AGBL1: variants seen among roughly 807,000 people sequenced by gnomAD.
AGBL1 encodes the protein cytosolic carboxypeptidase 4.
A neutral mutation model predicts 118.9 loss-of-function variants in AGBL1; 130 were observed. The ratio of observed to expected loss-of-function variants is 1.09; its 90% confidence interval spans 0.95 to 1.26. AGBL1 has a LOEUF of 1.26. AGBL1 is among the 50% of genes most tolerant of loss of function. The pLI is 0.00. For synonymous variants in AGBL1, 555 were observed against 478.9 expected (o/e 1.16, Z -2.08); for missense variants, 1,584 against 1,298.1 (o/e 1.22, Z -3.38).
intron 24 of AGBL1, among the ~76,000 whole-genome samples, chr15:87,028,068 T>A (rs1157087909): frequency 6.6e-6 from 1 of 151,298 alleles, no homozygotes; most frequent in Non-Finnish European, 1.5e-5. Context: ...TATATATATA[T>A]AAATGTATGG....
intron 5 of AGBL1, among the ~76,000 whole-genome samples, chr15:86,182,874 G>C (rs2077573272): frequency 1.3e-5 from 2 of 152,164 alleles, no homozygotes; most frequent in Non-Finnish European, 2.9e-5. Context: ...GCAGTTTACA[G>C]TTTCCTTGGA....
At chr15:86,148,944 C>A (rs899244481) in intron 3 of AGBL1, among the ~76,000 whole-genome samples, 15 of 152,196 alleles carry the variant, frequency 9.9e-5, no homozygotes, top group Admixed American at 3.9e-4. Flanking sequence ...AGAAACCCTA[C>A]AAGCCAGAAG....
intron 18 of AGBL1, among the ~76,000 whole-genome samples, chr15:86,454,493 A>G (rs925717346): frequency 7.2e-5 from 11 of 152,216 alleles, no homozygotes; most frequent in African/African-American, 2.7e-4. Flanking sequence ...CTGAGAAGTC[A>G]CCAAATATTT....
At chr15:86,373,458 G>T (rs975319514) in intron 17 of AGBL1, among the ~76,000 whole-genome samples, 6 of 152,210 alleles carry the variant, frequency 3.9e-5, no homozygotes, top group African/African-American at 1.4e-4. Flanking sequence ...AGGACTGGGA[G>T]CTTGGCTGTA....
intron 16 of AGBL1, among the ~76,000 whole-genome samples, chr15:86,283,876 T>G (rs1331416391): frequency 1.3e-5 from 2 of 152,114 alleles, no homozygotes; most frequent in African/African-American, 4.8e-5. Flanking sequence ...AAGAAAGCTT[T>G]GAGGTCAGAC....
chr15:86,924,318 T>C (rs1203644545), intron 23 of AGBL1, among the ~76,000 whole-genome samples: 1 of 152,228 alleles, frequency 6.6e-6, no homozygotes, highest in Non-Finnish European at 1.5e-5. Flanking sequence ...GAATTTTTAA[T>C]CCCATTTAGG....
chr15:86,511,839 G>A (rs1021532225), intron 18 of AGBL1, among the ~76,000 whole-genome samples: 8 of 151,900 alleles, frequency 5.3e-5, no homozygotes, highest in Non-Finnish European at 1.0e-4. Context: ...TATTTTTCCC[G>A]TGTGATAGGA....
intron 18 of AGBL1, among the ~76,000 whole-genome samples, chr15:86,440,849 C>G (rs1033273707): frequency 6.6e-6 from 1 of 152,094 alleles, no homozygotes; most frequent in Non-Finnish European, 1.5e-5. Flanking sequence ...AAGTAAGGTG[C>G]CTTTTACTGG....
At chr15:86,666,291 C>T (rs11853708) in intron 21 of AGBL1, among the ~76,000 whole-genome samples, 10,434 of 152,058 alleles carry the variant, frequency 0.069, 477 homozygotes, top group South Asian at 0.088. Context: ...AGTTCTGTTG[C>T]TATTGTGAAT....
chr15:87,031,026 T>G (rs2081777689), downstream of AGBL1, among the ~76,000 whole-genome samples: 2 of 151,990 alleles, frequency 1.3e-5, no homozygotes, highest in Non-Finnish European at 2.9e-5. Context: ...AAATATTTGC[T>G]GTTATTTAAA....
intron 22 of AGBL1, among the ~76,000 whole-genome samples, chr15:86,697,488 C>G (rs2086282390): frequency 7.3e-6 from 1 of 137,390 alleles, no homozygotes; most frequent in South Asian, 2.4e-4. Flanking sequence ...GATTTCTTCC[C>G]TCACATCTTG....
chr15:86,583,093 A>T (rs2084196302), intron 21 of AGBL1, among the ~76,000 whole-genome samples: 2 of 151,998 alleles, frequency 1.3e-5, no homozygotes, highest in Non-Finnish European at 2.9e-5. Flanking sequence ...GAATGTAAAT[A>T]TGATTAGCTA....
At chr15:86,644,416 C>G (rs941152273) in intron 21 of AGBL1, among the ~76,000 whole-genome samples, 11 of 152,208 alleles carry the variant, frequency 7.2e-5, no homozygotes, top group African/African-American at 2.6e-4. Context: ...AGCACACACT[C>G]ACAAAATCAG....
chr15:86,593,391 A>G (rs1304269192), intron 21 of AGBL1, among the ~76,000 whole-genome samples: 1 of 151,720 alleles, frequency 6.6e-6, no homozygotes, highest in Non-Finnish European at 1.5e-5. Context: ...CAGACCTAGG[A>G]GATAGGAGAT....
chr15:86,904,031 T>A (rs934911644), intron 22 of AGBL1, among the ~76,000 whole-genome samples: 3 of 146,596 alleles, frequency 2.0e-5, no homozygotes, highest in Non-Finnish European at 4.5e-5. Flanking sequence ...CTGCTTTTGT[T>A]GGTGGGGATG....
intron 23 of AGBL1, among the ~76,000 whole-genome samples, chr15:86,959,299 A>C (rs2141682868): frequency 6.6e-6 from 1 of 152,264 alleles, no homozygotes; most frequent in African/African-American, 2.4e-5. Context: ...AAAAAATTAA[A>C]TCTACTTATA....
intron 5 of AGBL1, among the ~76,000 whole-genome samples, chr15:86,197,445 A>G (rs1567119650): frequency 6.6e-6 from 1 of 152,252 alleles, no homozygotes; most frequent in Non-Finnish European, 1.5e-5. Context: ...AGGAAAAGCC[A>G]TCGTTGTTAT....
chr15:86,106,275 A>G (rs577919806), intron 1 of AGBL1, among the ~76,000 whole-genome samples: 2 of 152,328 alleles, frequency 1.3e-5, no homozygotes, highest in Admixed American at 1.3e-4. Flanking sequence ...TAAATTCCCC[A>G]TTACCTAGAA....
At position 86,357,868 on chromosome 15, in the gene AGBL1, C is replaced by T. The variant is rs188909982; in HGVS notation, c.2375-39498C>T. Among the ~76,000 whole-genome samples, 16 of 152,210 alleles carry T rather than the reference C, an allele frequency of 1.1e-4. No individual in the cohort carries two copies. In the East Asian group the frequency reaches 3.1e-3, roughly 29 times the overall value. On this transcript the variant is annotated intron_variant, in intron 17 of 22. Coordinates refer to ENST00000614907, the MANE Select transcript of AGBL1 (RefSeq NM_001386094.1). ...CTTAAACTCTTAACATATGACTCTT[C>T]TTGCCCCTCACGTTTATTGCGGTAT...
Sources: allele counts gnomAD v4.1 joint callset (sites outside exome capture counted in the v4.1 genomes callset), GRCh38; gene constraint gnomAD v4.1.1; transcripts MANE v1.5; gene names NCBI Gene and HGNC (gene_info 2026-07-23, HGNC 2026-07-21).